PHKB: variants seen among roughly 807,000 people sequenced by gnomAD.
The protein encoded by PHKB is phosphorylase b kinase regulatory subunit beta.
PHKB carries 122 observed loss-of-function variants against 152.1 expected under a neutral mutation model. The ratio of observed to expected loss-of-function variants is 0.80; its 90% confidence interval spans 0.69 to 0.93. The LOEUF is 0.93. Among genes scored for constraint, PHKB ranks in the 40% least tolerant of loss-of-function variants. PHKB has a pLI of 0.00. For synonymous variants in PHKB, 436 were observed against 464.9 expected (o/e 0.94, Z 0.80); for missense variants, 1,304 against 1,328.4 (o/e 0.98, Z 0.29).
chr16:47,609,711 A>G (rs534908274), intron 13 of PHKB, among the ~76,000 whole-genome samples: 1 of 152,110 alleles, frequency 6.6e-6, no homozygotes, highest in East Asian at 1.9e-4. Flanking sequence ...ATTTGATGGC[A>G]TGTATTTGTT....
Position 47,534,455 on chromosome 16 carries a change from A to G in PHKB, c.595-12978A>G, listed in dbSNP as rs575956467. ...TTTCCTAGAGACATACTAAAATTTCATTGCAGCACTGTTGCATTAAAAAAC... is the reference window on the plus strand; with the variant it reads ...TTTCCTAGAGACATACTAAAATTTCGTTGCAGCACTGTTGCATTAAAAAAC... On this transcript the variant is annotated intron_variant, in intron 6 of 30. Transcript: ENST00000323584. Among the ~76,000 whole-genome samples the G allele has an allele frequency of 7.9e-5, 12 of 152,324 alleles. No individual in the cohort carries two copies. In the East Asian group the frequency reaches 1.3e-3, roughly 17 times the overall value.
At chr16:47,650,462 T>A (rs1973215427) in intron 18 of PHKB, 82 bp from the exon 19 acceptor site, 2 of 822,956 alleles carry the variant, frequency 2.4e-6, no homozygotes, top group Non-Finnish European at 4.3e-6. Context: ...AAGAATTTTG[T>A]TGGCTCTTTG....
At chr16:47,537,669 G>T (rs1970975114) in intron 6 of PHKB, among the ~76,000 whole-genome samples, 1 of 151,936 alleles carries the variant, frequency 6.6e-6, no homozygotes, top group African/African-American at 2.4e-5. Flanking sequence ...AAGATTTCTA[G>T]ACTGAGAGCC....
intron 6 of PHKB, among the ~76,000 whole-genome samples, chr16:47,535,565 AAAT>A (rs1185066790): frequency 5.9e-5 from 9 of 152,236 alleles, no homozygotes. Flanking sequence ...AGAGAGAGTT[AAAT>A]AATTGTTTGC....
At chr16:47,599,709 G>C (rs895571782) in intron 13 of PHKB, among the ~76,000 whole-genome samples, 2 of 152,176 alleles carry the variant, frequency 1.3e-5, no homozygotes, top group Non-Finnish European at 2.9e-5. Context: ...TGAAAAGGCA[G>C]TGAGAACATG....
At chr16:47,550,175 C>G (rs145848218) in intron 7 of PHKB, among the ~76,000 whole-genome samples, 18 of 152,216 alleles carry the variant, frequency 1.2e-4, no homozygotes, top group African/African-American at 3.4e-4. Context: ...TTTGAAACTG[C>G]GAGAGAGTTG....
chr16:47,665,852 T>C (rs779233627), intron 25 of PHKB: 1 of 863,030 alleles, frequency 1.2e-6, no homozygotes, highest in South Asian at 1.4e-5. Flanking sequence ...TTCCACTGTG[T>C]ATATTTTAAA....
chr16:47,471,592 A>G (rs1187383756), intron 1 of PHKB, among the ~76,000 whole-genome samples: 3 of 152,306 alleles, frequency 2.0e-5, no homozygotes, highest in Non-Finnish European at 2.9e-5. Context: ...AGGCACAGAT[A>G]TTGAGTATAT....
At chr16:47,566,562 A>G (rs1274587416) in intron 7 of PHKB, 1 of 1,572,480 alleles carries the variant, frequency 6.4e-7, no homozygotes, top group African/African-American at 1.4e-5. Flanking sequence ...GAATTCTTTA[A>G]TGTACTCTTC....
At chr16:47,566,085 C>T (rs1971560525) in intron 7 of PHKB, 1 of 657,996 alleles carries the variant, frequency 1.5e-6, no homozygotes, top group Admixed American at 2.4e-5. Context: ...TTTGCCATTG[C>T]CTATCTGGGA....
chr16:47,643,740 C>G (rs1973066254), intron 16 of PHKB, among the ~76,000 whole-genome samples: 1 of 152,146 alleles, frequency 6.6e-6, no homozygotes, highest in African/African-American at 2.4e-5. Flanking sequence ...GCGGTTGCTC[C>G]CTTTCTTCTG....
At chr16:47,482,957 A>G (rs757239106) in intron 1 of PHKB, among the ~76,000 whole-genome samples, 46 of 151,626 alleles carry the variant, frequency 3.0e-4, no homozygotes, top group Admixed American at 7.2e-4. Flanking sequence ...CTGGGTTTAA[A>G]TGACCCACCC....
chr16:47,580,197 T>G, intron 7 of PHKB, 98 bp from the exon 8 acceptor site: 1 of 865,626 alleles, frequency 1.2e-6, no homozygotes. Flanking sequence ...GTTATAAATG[T>G]TAATAAAGAA....
intron 27 of PHKB, among the ~76,000 whole-genome samples, chr16:47,693,169 T>A (rs1974091540): frequency 6.6e-6 from 1 of 152,222 alleles, no homozygotes; most frequent in African/African-American, 2.4e-5. Context: ...TTAAATTTTT[T>A]AGAATCTTGG....
intron 4 of PHKB, among the ~76,000 whole-genome samples, chr16:47,510,464 T>C (rs573871956): frequency 6.6e-6 from 1 of 152,332 alleles, no homozygotes; most frequent in Non-Finnish European, 1.5e-5. Context: ...GGGACTTATA[T>C]GAACAAACGA....
chr16:47,644,888 G>A (rs1199911393), intron 16 of PHKB, among the ~76,000 whole-genome samples: 2 of 152,154 alleles, frequency 1.3e-5, no homozygotes. Context: ...GTAGAAAAAT[G>A]TTTATATTGA....
chr16:47,621,924 C>A (rs551219079), intron 14 of PHKB, among the ~76,000 whole-genome samples: 66 of 152,024 alleles, frequency 4.3e-4, no homozygotes, highest in Admixed American at 8.5e-4. Context: ...AATTGGAAGT[C>A]AAAAAAATGA....
At chr16:47,476,270 C>T (rs971200244) in intron 1 of PHKB, among the ~76,000 whole-genome samples, 11 of 152,038 alleles carry the variant, frequency 7.2e-5, no homozygotes, top group South Asian at 4.1e-4. Flanking sequence ...AAAATAAAAG[C>T]GTGTTTTCTT....
At chr16:47,676,464 C>A (rs1478688690) in intron 26 of PHKB, 1 of 152,124 alleles carries the variant, frequency 6.6e-6, no homozygotes, top group African/African-American at 2.4e-5. Flanking sequence ...ACTGAATGGC[C>A]ATAAGAAATA....
Sources: gnomAD v4.1 joint callset for allele counts (sites outside exome capture counted in the v4.1 genomes callset) on GRCh38, gnomAD v4.1.1 for gene constraint, MANE v1.5 for transcripts, NCBI Gene and HGNC (gene_info 2026-07-23, HGNC 2026-07-21) for gene names.